Variants in PDZK1 observed in about 807,000 individuals in gnomAD.
The protein encoded by PDZK1 is PDZ domain containing 1.
Under a neutral mutation model 38.1 loss-of-function variants are expected in PDZK1, and 23 were observed. The ratio of observed to expected loss-of-function variants is 0.60; its 90% CI spans 0.43 to 0.85. The LOEUF (loss-of-function observed/expected upper bound fraction) is 0.85. Ranked by LOEUF, PDZK1 falls within the 40% of genes least tolerant of loss-of-function variation. The pLI is 0.00. For synonymous variants in PDZK1, 98 were observed against 186.2 expected (o/e 0.53, Z 3.86); for missense variants, 297 against 504.3 (o/e 0.59, Z 3.94).
At chr1:145,704,153 C>T (rs1553705390) in intron 1 of PDZK1, among the ~76,000 whole-genome samples, 1 of 152,138 alleles carries the variant, frequency 6.6e-6, no homozygotes, top group African/African-American at 2.4e-5. Context: ...TAAGAGCAGG[C>T]ACCACAGCCC....
intron 1 of PDZK1, among the ~76,000 whole-genome samples, chr1:145,704,411 A>C (rs1263842095): frequency 6.6e-6 from 1 of 151,394 alleles, no homozygotes; most frequent in Non-Finnish European, 1.5e-5. Context: ...ACTTTCCAAA[A>C]CTCCTGCCAT....
chr1:145,671,257 A>G lies in PDZK1; in HGVS notation c.*179T>C. On this transcript the variant is annotated 3_prime_UTR_variant, in exon 9 of 9. Coordinates refer to ENST00000417171, the MANE Select transcript of PDZK1 (RefSeq NM_001201325.2). ...GTTAAGCATAAATTAGCCGTCTGCA[A>G]TAGCCGCCTGTAAGACAAATGATAA... 1.4e-5 allele frequency: 17 copies of G among 1,179,644 alleles called. No individual in the cohort carries two copies. The highest frequency in any genetic ancestry group is 1.9e-5 in the Non-Finnish European group (17 of 881,036). 73.1% of individuals were successfully genotyped at this position (1,179,644 alleles called of 1,614,324 possible). A position where few individuals can be genotyped will look rare whatever the true frequency, so the allele number is the denominator to read the frequency against.
At chr1:145,692,906 C>T (rs929849998) in intron 1 of PDZK1, among the ~76,000 whole-genome samples, 7 of 151,404 alleles carry the variant, frequency 4.6e-5, no homozygotes, top group African/African-American at 1.5e-4. Flanking sequence ...GGTGTGGTGG[C>T]GGCGTGAGGC....
chr1:145,700,324 A>G (rs1655889279), intron 1 of PDZK1, among the ~76,000 whole-genome samples: 1 of 152,208 alleles, frequency 6.6e-6, no homozygotes, highest in African/African-American at 2.4e-5. Context: ...GCTGTGTATC[A>G]AGGAGGTAAA....
intron 8 of PDZK1, among the ~76,000 whole-genome samples, chr1:145,672,251 A>G (rs1393451426): frequency 6.6e-6 from 1 of 152,054 alleles, no homozygotes; most frequent in Non-Finnish European, 1.5e-5. Context: ...AACCGTCACC[A>G]CTTACATGCT....
rs1380206010 is a variant in PDZK1, at chr1:145,671,385, A to G, written c.*51T>C. 3.1e-6 allele frequency: 5 copies of G among 1,606,422 alleles called. No individual in the cohort carries two copies. Among genetic ancestry groups the G allele is most frequent in the East Asian group, 2.2e-5 (1 of 44,708 alleles). On this transcript the variant is annotated 3_prime_UTR_variant, in exon 9 of 9. Coordinates refer to ENST00000417171, the MANE Select transcript of PDZK1 (RefSeq NM_001201325.2). Reference sequence around the variant, plus strand: ...TTCCTTGAGAAAGGATTCCTATTAAATACCCAGAAACAGCTATCAAATAAA... The same window carrying G: ...TTCCTTGAGAAAGGATTCCTATTAAGTACCCAGAAACAGCTATCAAATAAA...
At chr1:145,695,267 C>G (rs1655562720) in intron 1 of PDZK1, among the ~76,000 whole-genome samples, 1 of 151,860 alleles carries the variant, frequency 6.6e-6, no homozygotes, top group African/African-American at 2.4e-5. Flanking sequence ...CCAAAAAATA[C>G]AAAAATTAGC....
At chr1:145,681,999 A>G (rs1271455073) in intron 4 of PDZK1, among the ~76,000 whole-genome samples, 4 of 77,058 alleles carry the variant, frequency 5.2e-5, no homozygotes, top group East Asian at 4.0e-4. Context: ...GTGAGACCCT[A>G]TCTCTACAAA....
At chr1:145,696,108 G>A (rs1655612987) in intron 1 of PDZK1, among the ~76,000 whole-genome samples, 1 of 152,220 alleles carries the variant, frequency 6.6e-6, no homozygotes, top group African/African-American at 2.4e-5. Context: ...AAGATCCCCT[G>A]TCGCAGAGTG....
At position 145,672,932 on chromosome 1, in the gene PDZK1, G is replaced by A; in HGVS notation, c.1304C>T (p.Pro435Leu). The A allele has an allele frequency of 1.3e-6, 2 of 1,595,808 alleles. No individual in the cohort carries two copies. Among genetic ancestry groups the A allele is most frequent in the Non-Finnish European group, 1.7e-6 (2 of 1,166,138 alleles). The change falls in exon 8 of 9, where the codon CCC (proline) becomes CTC (leucine). Residue 435 changes from proline (P) to leucine (L), a missense_variant. Physicochemically the swap from Pro to Leu is moderately conservative, Grantham distance 98. Around this residue, in one of 5 missense-constraint regions of PDZK1, gnomAD observed 49 missense variants for 135.6 expected, o/e 0.36. Coordinates refer to ENST00000417171, the MANE Select transcript of PDZK1 (RefSeq NM_001201325.2). ...GATTCTATCCACCACCTTCTCATAG[G>A]GTTCATCTAGCACATTCACCCCATT... Reference protein sequence around the residue: ...EVNGVNVLDEPYEKVVDRIQS... With the variant: ...EVNGVNVLDELYEKVVDRIQS...
chr1:145,698,721 G>A (rs1398745942), intron 1 of PDZK1, among the ~76,000 whole-genome samples: 1 of 152,088 alleles, frequency 6.6e-6, no homozygotes, highest in Non-Finnish European at 1.5e-5. Flanking sequence ...TTGAGGTCAG[G>A]AGTTCGAGAC....
intron 8 of PDZK1, 41 bp downstream of exon 8, chr1:145,672,689 C>A: frequency 6.2e-7 from 1 of 1,610,514 alleles, no homozygotes; most frequent in Non-Finnish European, 8.5e-7. Flanking sequence ...TACCCATACT[C>A]TAGTAAATTA....
At chr1:145,702,232 A>G (rs879975425) in intron 1 of PDZK1, among the ~76,000 whole-genome samples, 3 of 152,134 alleles carry the variant, frequency 2.0e-5, no homozygotes, top group Non-Finnish European at 2.9e-5. Flanking sequence ...TCCAGCCACC[A>G]TAAACAATAC....
At chr1:145,686,184 T>C (rs1212192676) in intron 3 of PDZK1, among the ~76,000 whole-genome samples, 1 of 152,180 alleles carries the variant, frequency 6.6e-6, no homozygotes. Context: ...TCTGGCCCCC[T>C]GACCTCAAAG....
chr1:145,687,363 CAAA>C (rs879982021), intron 2 of PDZK1, among the ~76,000 whole-genome samples: 2 of 103,640 alleles, frequency 1.9e-5, no homozygotes, highest in Non-Finnish European at 2.1e-5. Flanking sequence ...ACTAAAAATA[CAAA>C]AAAAAAAAAA....
intron 4 of PDZK1, among the ~76,000 whole-genome samples, chr1:145,682,050 A>G (rs1213839261): frequency 7.6e-6 from 1 of 131,698 alleles, no homozygotes; most frequent in East Asian, 2.3e-4. Flanking sequence ...ACACACACAC[A>G]CATAAAAATT....
chr1:145,701,100 G>C (rs1655933979), intron 1 of PDZK1, among the ~76,000 whole-genome samples: 1 of 151,902 alleles, frequency 6.6e-6, no homozygotes, highest in African/African-American at 2.4e-5. Context: ...AGCTACTCGG[G>C]AGGCTGAGAC....
chr1:145,672,150 C>A (rs1185694838), intron 8 of PDZK1, among the ~76,000 whole-genome samples: 6 of 151,996 alleles, frequency 3.9e-5, no homozygotes, highest in African/African-American at 1.5e-4. Flanking sequence ...AAATTTAATC[C>A]AAATATATAG....
rs782692389 is a variant in PDZK1, at chr1:145,672,748, C to T, written c.1488G>A (p.Ser496=). ...EGIVVESNHD[S]HMAKERAHST... ...CACTCACCCGTTCTTTTGCCATGTG[C>T]GAGTCATGGTTTGACTCCACCACTA... The change falls in exon 8 of 9, where the codon TCG becomes TCA. Residue 496 remains serine (S), a synonymous_variant. Coordinates refer to ENST00000417171, the MANE Select transcript of PDZK1 (RefSeq NM_001201325.2). 16 of 1,611,746 alleles carry T rather than the reference C, an allele frequency of 9.9e-6. No homozygotes were observed. Among genetic ancestry groups the T allele is most frequent in the South Asian group, 3.3e-5 (3 of 90,980 alleles).
Sources: allele counts gnomAD v4.1 joint callset (sites outside exome capture counted in the v4.1 genomes callset), GRCh38; gene constraint gnomAD v4.1.1; regional missense constraint gnomAD v4.1.1; transcripts MANE v1.5; gene names NCBI Gene and HGNC (gene_info 2026-07-23, HGNC 2026-07-21).